The following KIAA0825 variants were observed in gnomAD, a reference collection of about 807,000 sequenced individuals.
KIAA0825 encodes KIAA0825.
KIAA0825 carries 119 observed loss-of-function variants against 147.6 expected under a neutral mutation model. That is an observed-to-expected ratio of 0.81 (90% CI 0.69 to 0.94). KIAA0825 has a LOEUF of 0.94. Among genes scored for constraint, KIAA0825 ranks in the 40% least tolerant of loss-of-function variants. The pLI is 0.00. For synonymous variants in KIAA0825, 470 were observed against 518.1 expected, an observed-to-expected ratio of 0.91 and a Z score of 1.26; for missense variants, 1,381 against 1,472.7, an observed-to-expected ratio of 0.94 and a Z score of 1.02.
intron 2 of KIAA0825, among the ~76,000 whole-genome samples, chr5:94,562,380 C>T (rs2152294695): frequency 6.6e-6 from 1 of 152,190 alleles, no homozygotes; most frequent in South Asian, 2.1e-4. Context: ...ATTTTATTTG[C>T]TGCTTTACTT....
At position 94,417,295 on chromosome 5, in the gene KIAA0825, C is replaced by T; in HGVS notation, c.2568G>A (p.Leu856=). ...PSLMEAIFKI[L]YHCSFSPQTF... is the part of the protein sequence containing the mutation. The stretch of plus-strand genomic sequence containing the variant: ...TTTGTGGAGAAAAACTGCAATGGTA[C>T]AATATTTTAAAGATGGCTTCCATCA... The change falls in exon 15 of 21, where the codon TTG becomes TTA. Residue 856 remains leucine, a synonymous_variant. Coordinates refer to ENST00000682413, the MANE Select transcript of KIAA0825 (RefSeq NM_001145678.3). 1.3e-6 allele frequency: 2 copies of T among 1,550,752 alleles called. No homozygotes were observed. Among genetic ancestry groups the T allele is most frequent in the Non-Finnish European group, 1.7e-6 (2 of 1,146,374 alleles).
rs1175360792 is a variant in KIAA0825 at position 94,152,856 on chromosome 5, TTATATATA to T, written c.*1143_*1150del. 6 of 2,774 alleles carry T rather than the reference TTATATATA, an allele frequency of 2.2e-3. No individual in the cohort carries two copies. Among genetic ancestry groups the T allele is most frequent in the African/African-American group, 6.3e-3 (6 of 952 alleles). 0.2% of individuals were successfully genotyped at this position (2,774 alleles called of 1,614,324 possible). ...AAAAAAAAAAAAAAAAAAAAAAAAATTATATATATATATATATATATATATATATATAT... is the reference window on the plus strand; with the variant it reads ...AAAAAAAAAAAAAAAAAAAAAAAAATTATATATATATATATATATATATAT... On this transcript the variant is annotated 3_prime_UTR_variant, in exon 21 of 21. Transcript: ENST00000682413.
At chr5:94,347,269 G>A (rs1367596377) in intron 20 of KIAA0825, among the ~76,000 whole-genome samples, 3 of 152,184 alleles carry the variant, frequency 2.0e-5, no homozygotes, top group African/African-American at 2.4e-5. Flanking sequence ...CTAGGGCTCC[G>A]CCCACTGCTG....
intron 20 of KIAA0825, among the ~76,000 whole-genome samples, chr5:94,286,810 G>A (rs1214742997): frequency 1.3e-5 from 2 of 152,218 alleles, no homozygotes; most frequent in East Asian, 1.9e-4. Flanking sequence ...TGAAACGCTG[G>A]CTTCACCTAT....
intron 20 of KIAA0825, among the ~76,000 whole-genome samples, chr5:94,322,701 A>G (rs1381243638): frequency 1.3e-5 from 2 of 151,902 alleles, no homozygotes; most frequent in African/African-American, 2.4e-5. Flanking sequence ...AACCTATCAC[A>G]AATAATTACT....
chr5:94,498,462 A>G (rs1764638394), intron 5 of KIAA0825, among the ~76,000 whole-genome samples: 1 of 152,216 alleles, frequency 6.6e-6, no homozygotes, highest in South Asian at 2.1e-4. Flanking sequence ...TTGATGATTA[A>G]AATACAGTTG....
At chr5:94,475,582 C>T (rs144710446) in intron 7 of KIAA0825, among the ~76,000 whole-genome samples, 3,644 of 152,180 alleles carry the variant, frequency 0.024, 67 homozygotes, top group East Asian at 0.095. Flanking sequence ...CCGAGGCAGG[C>T]GGATCACCTG....
intron 12 of KIAA0825, among the ~76,000 whole-genome samples, chr5:94,453,655 C>G (rs1047368040): frequency 1.3e-5 from 2 of 152,060 alleles, no homozygotes; most frequent in African/African-American, 4.8e-5. Flanking sequence ...CTCTATAAAA[C>G]AATCTTTACA....
intron 20 of KIAA0825, among the ~76,000 whole-genome samples, chr5:94,375,364 G>A (rs1370625441): frequency 1.3e-5 from 2 of 151,812 alleles, no homozygotes; most frequent in Admixed American, 6.6e-5. Context: ...TAAACTTCCC[G>A]GGAAGTTTCT....
chr5:94,295,800 C>T (rs1037188403), intron 20 of KIAA0825, among the ~76,000 whole-genome samples: 7 of 152,158 alleles, frequency 4.6e-5, no homozygotes, highest in African/African-American at 1.2e-4. Flanking sequence ...CTGGAAACTT[C>T]GTCCCAGAGG....
intron 20 of KIAA0825, among the ~76,000 whole-genome samples, chr5:94,285,620 A>G (rs1203907336): frequency 1.3e-5 from 2 of 152,156 alleles, no homozygotes; most frequent in Non-Finnish European, 2.9e-5. Context: ...TGATGCAGGG[A>G]GCTATTGTCT....
chr5:94,193,086 A>G (rs1047580467), intron 20 of KIAA0825, among the ~76,000 whole-genome samples: 22 of 152,160 alleles, frequency 1.4e-4, no homozygotes, highest in African/African-American at 5.1e-4. Flanking sequence ...TACAGTTATC[A>G]CAGAAAAGGG....
At chr5:94,351,291 G>T (rs1295934806) in intron 20 of KIAA0825, among the ~76,000 whole-genome samples, 1 of 152,062 alleles carries the variant, frequency 6.6e-6, no homozygotes, top group African/African-American at 2.4e-5. Context: ...ACCAAGTGGA[G>T]AATCAGATCA....
chr5:94,255,332 C>T (rs1776188688), intron 20 of KIAA0825, among the ~76,000 whole-genome samples: 1 of 151,664 alleles, frequency 6.6e-6, no homozygotes, highest in South Asian at 2.1e-4. Context: ...TATAAGAGTG[C>T]CTAAAACATA....
At chr5:94,295,141 C>G (rs1438900616) in intron 20 of KIAA0825, among the ~76,000 whole-genome samples, 1 of 151,876 alleles carries the variant, frequency 6.6e-6, no homozygotes, top group Non-Finnish European at 1.5e-5. Context: ...TTTCTCTAAT[C>G]TTGTCTTCAT....
chr5:94,277,909 T>C (rs529421043), intron 20 of KIAA0825, among the ~76,000 whole-genome samples: 1 of 152,290 alleles, frequency 6.6e-6, no homozygotes, highest in Admixed American at 6.5e-5. Context: ...GTGGCACATA[T>C]ACACCGTGGA....
intron 1 of KIAA0825, among the ~76,000 whole-genome samples, chr5:94,599,062 T>C (rs1785833805): frequency 1.3e-5 from 2 of 152,280 alleles, no homozygotes; most frequent in Non-Finnish European, 2.9e-5. Context: ...TACTGTTTTC[T>C]ATCATGATTG....
At chr5:94,561,259 C>A (rs573958563) in intron 2 of KIAA0825, among the ~76,000 whole-genome samples, 6 of 152,162 alleles carry the variant, frequency 3.9e-5, no homozygotes, top group African/African-American at 1.4e-4. Flanking sequence ...GATGGCACAC[C>A]CAGACAGGAA....
At chr5:94,587,795 A>G (rs1351150109) in intron 1 of KIAA0825, among the ~76,000 whole-genome samples, 1 of 152,182 alleles carries the variant, frequency 6.6e-6, no homozygotes, top group Non-Finnish European at 1.5e-5. Flanking sequence ...ACTTCAAACT[A>G]CACTAGAAGG....
Sources: allele counts gnomAD v4.1 joint callset (sites outside exome capture counted in the v4.1 genomes callset), GRCh38; gene constraint gnomAD v4.1.1; transcripts MANE v1.5; gene names NCBI Gene and HGNC (gene_info 2026-07-23, HGNC 2026-07-21).